Variants in CDH13 observed in about 807,000 individuals in gnomAD.
CDH13 encodes the protein cadherin-13.
A neutral mutation model predicts 63.8 loss-of-function variants in CDH13; 24 were observed. The observed-to-expected ratio is 0.38, with a 90% CI of 0.27 to 0.53. CDH13 has a LOEUF of 0.53. Ranked by LOEUF, CDH13 falls within the 20% of genes least tolerant of loss-of-function variation. The pLI, the probability that CDH13 is intolerant of heterozygous loss-of-function variation, is 0.85. For synonymous variants in CDH13, 503 were observed against 355.3 expected, an observed-to-expected ratio of 1.42 and a Z score of -4.67; for missense variants, 1,049 against 903.1, an observed-to-expected ratio of 1.16 and a Z score of -2.07.
chr16:83,374,090 G>A (rs930949393), intron 6 of CDH13, among the ~76,000 whole-genome samples: 9 of 152,282 alleles, frequency 5.9e-5, no homozygotes, highest in Middle Eastern at 3.4e-3. Flanking sequence ...ATGATGCTCC[G>A]CAAAGAGTGC....
At chr16:82,721,897 C>G (rs1013643811) in intron 1 of CDH13, among the ~76,000 whole-genome samples, 1 of 152,038 alleles carries the variant, frequency 6.6e-6, no homozygotes, top group Admixed American at 6.6e-5. Flanking sequence ...CTACACTATG[C>G]TGTGGCAGTG....
intron 1 of CDH13, among the ~76,000 whole-genome samples, chr16:82,757,544 T>C (rs1248121034): frequency 6.6e-6 from 1 of 152,230 alleles, no homozygotes; most frequent in East Asian, 1.9e-4. Context: ...ACCTTAGCTT[T>C]TGGTTTAAAG....
At chr16:83,268,218 G>A (rs2088684084) in intron 5 of CDH13, among the ~76,000 whole-genome samples, 1 of 152,162 alleles carries the variant, frequency 6.6e-6, no homozygotes, top group African/African-American at 2.4e-5. Flanking sequence ...GAACAGTGGT[G>A]TATATATACC....
intron 5 of CDH13, among the ~76,000 whole-genome samples, chr16:83,264,861 A>G (rs778092597): frequency 2.0e-5 from 3 of 152,068 alleles, no homozygotes; most frequent in South Asian, 4.1e-4. Flanking sequence ...AACTAAAGAT[A>G]TGGCTGTCAA....
At chr16:82,959,653 A>G (rs11642381) in intron 2 of CDH13, among the ~76,000 whole-genome samples, 3,862 of 152,292 alleles carry the variant, frequency 0.025, 64 homozygotes, top group Non-Finnish European at 0.041. Context: ...TGGGTAAGTG[A>G]GAAGACTCTT....
Position 82,644,670 on chromosome 16 carries a change from G to A in CDH13, c.45+17533G>A, listed in dbSNP as rs774009723. Among the ~76,000 whole-genome samples the A allele has an allele frequency of 6.6e-6, 1 of 152,132 alleles. No individual in the cohort carries two copies. Among genetic ancestry groups the A allele is most frequent in the Non-Finnish European group, 1.5e-5 (1 of 68,016 alleles). Reference sequence around the variant, plus strand: ...CGCTTTGGGCTGGGGCAGAAGTCAGGACTTGAACTGGCTCTGGCTGGGACC... The same window carrying A: ...CGCTTTGGGCTGGGGCAGAAGTCAGAACTTGAACTGGCTCTGGCTGGGACC... On this transcript the variant is annotated intron_variant, in intron 1 of 13. Coordinates refer to ENST00000567109, the MANE Select transcript of CDH13 (RefSeq NM_001257.5). The surrounding 1 kb of genome is among the most constrained non-coding windows in gnomAD (Gnocchi z 5.7).
chr16:82,784,441 G>A (rs574772799), intron 1 of CDH13, among the ~76,000 whole-genome samples: 32 of 152,216 alleles, frequency 2.1e-4, no homozygotes, highest in African/African-American at 7.2e-4. Context: ...AGGAAGAAGG[G>A]ACAGCGAATG....
intron 8 of CDH13, among the ~76,000 whole-genome samples, chr16:83,608,723 G>A (rs1567802395): frequency 6.6e-6 from 1 of 150,424 alleles, no homozygotes; most frequent in Admixed American, 6.7e-5. Context: ...CCTCGGGCTG[G>A]TCTTGAACTA....
At chr16:83,222,492 G>T (rs182387375) in intron 5 of CDH13, among the ~76,000 whole-genome samples, 73 of 152,308 alleles carry the variant, frequency 4.8e-4, no homozygotes, top group African/African-American at 1.7e-3. Context: ...ACCCATATTA[G>T]AGAGTTATTT....
At chr16:82,665,726 C>T (rs1912505251) in intron 1 of CDH13, among the ~76,000 whole-genome samples, 1 of 151,996 alleles carries the variant, frequency 6.6e-6, no homozygotes, top group African/African-American at 2.4e-5. Context: ...GTGACAGTAG[C>T]CAGCTCCTCT....
intron 2 of CDH13, among the ~76,000 whole-genome samples, chr16:83,013,299 T>C (rs562408422): frequency 5.3e-5 from 8 of 152,160 alleles, no homozygotes; most frequent in Non-Finnish European, 1.2e-4. Flanking sequence ...GACATGCAGG[T>C]TGTAGATTCC....
intron 6 of CDH13, among the ~76,000 whole-genome samples, chr16:83,362,997 T>G (rs1255937615): frequency 6.6e-6 from 1 of 152,222 alleles, no homozygotes; most frequent in Admixed American, 6.5e-5. Flanking sequence ...AGTCCGGCTA[T>G]GCCTTGTCCT....
chr16:82,736,697 T>C (rs867024571), intron 1 of CDH13, among the ~76,000 whole-genome samples: 22 of 152,330 alleles, frequency 1.4e-4, no homozygotes, highest in East Asian at 1.9e-4. Context: ...CACCAATAAA[T>C]TTTTAGAAAA....
intron 7 of CDH13, among the ~76,000 whole-genome samples, chr16:83,499,593 C>G (rs1420472463): frequency 6.6e-6 from 1 of 152,208 alleles, no homozygotes; most frequent in Non-Finnish European, 1.5e-5. Context: ...ATATGGAGAA[C>G]AAATCCCTTT....
At chr16:82,938,106 T>C (rs2042725005) in intron 2 of CDH13, among the ~76,000 whole-genome samples, 1 of 152,238 alleles carries the variant, frequency 6.6e-6, no homozygotes. Flanking sequence ...AAGATAATAC[T>C]TTTTCCACTT....
intron 5 of CDH13, among the ~76,000 whole-genome samples, chr16:83,224,388 T>A (rs764342003): frequency 7.3e-5 from 11 of 150,276 alleles, no homozygotes; most frequent in Non-Finnish European, 1.6e-4. Context: ...ACTGCTGGAG[T>A]GCAGTTTTGT....
At chr16:82,996,563 A>T (rs1912225733) in intron 2 of CDH13, among the ~76,000 whole-genome samples, 1 of 152,212 alleles carries the variant, frequency 6.6e-6, no homozygotes, top group African/African-American at 2.4e-5. Flanking sequence ...ATCAGCAAAA[A>T]CATTAATGAT....
In CDH13 at chr16:83,211,983, A is replaced by G. The variant is rs548448410; in HGVS notation, c.484-5362A>G. ...TAATAGGAAGTTCTCGCTAACTGTG[A>G]AGCCCTGCTATGGAGTATATAATGG... On this transcript the variant is annotated intron_variant, in intron 4 of 13. Transcript: ENST00000567109. 3.3e-5 allele frequency among the ~76,000 whole-genome samples: 5 copies of G among 152,290 alleles called. No individual in the cohort carries two copies. The East Asian group carries it at 9.7e-4, about 29-fold the overall frequency.
intron 4 of CDH13, among the ~76,000 whole-genome samples, chr16:83,179,513 G>A (rs1186157035): frequency 7.5e-5 from 8 of 107,034 alleles, no homozygotes; most frequent in Non-Finnish European, 1.4e-4. Context: ...TTAGCCGGGC[G>A]TGGTGGCGGG....
Sources: gnomAD v4.1 joint callset for allele counts (sites outside exome capture counted in the v4.1 genomes callset) on GRCh38, gnomAD v4.1.1 for gene constraint, Gnocchi (gnomAD v3.1) non-coding constraint, MANE v1.5 for transcripts, NCBI Gene and HGNC (gene_info 2026-07-23, HGNC 2026-07-21) for gene names.